KRABD5: variants seen among roughly 807,000 people sequenced by gnomAD.
KRABD5 encodes KRAB domain-containing protein 5.
the KRABD5 span, among the ~76,000 whole-genome samples, chr16:31,721,161 T>A: frequency 6.6e-6 from 1 of 152,208 alleles, no homozygotes; most frequent in Non-Finnish European, 1.5e-5. Flanking sequence ...TGTGTTAGTC[T>A]TCATAGTTTG....
chr16:31,745,013 CTTCTT>C, the KRABD5 span, among the ~76,000 whole-genome samples: 1 of 151,782 alleles, frequency 6.6e-6, no homozygotes, highest in South Asian at 2.1e-4. Flanking sequence ...ATTCTTTTCT[CTTCTT>C]TATTAGTCTA....
the KRABD5 span, among the ~76,000 whole-genome samples, chr16:31,716,229 C>G: frequency 6.6e-6 from 1 of 152,148 alleles, no homozygotes; most frequent in Non-Finnish European, 1.5e-5. Context: ...TGTGGACCAC[C>G]CAGTCATAGT....
At chr16:31,717,851 T>C in the KRABD5 span, among the ~76,000 whole-genome samples, 3 of 152,284 alleles carry the variant, frequency 2.0e-5, no homozygotes, top group African/African-American at 7.2e-5. Context: ...AAAGTGCCTA[T>C]TGCCCCGAAA....
At chr16:31,745,111 C>T in the KRABD5 span, among the ~76,000 whole-genome samples, 2 of 152,096 alleles carry the variant, frequency 1.3e-5, no homozygotes, top group Non-Finnish European at 2.9e-5. Flanking sequence ...TTTCATGTCT[C>T]TATCTCCTTC....
chr16:31,717,539 G>C, the KRABD5 span, among the ~76,000 whole-genome samples: 1 of 152,148 alleles, frequency 6.6e-6, no homozygotes, highest in Non-Finnish European at 1.5e-5. Flanking sequence ...GTGAATTTAG[G>C]ATGAACTCTT....
the KRABD5 span, chr16:31,722,836 C>A: frequency 7.1e-7 from 1 of 1,411,750 alleles, no homozygotes; most frequent in South Asian, 1.6e-5. Context: ...CACTTGGGAG[C>A]TTATGCTTTA....
the KRABD5 span, among the ~76,000 whole-genome samples, chr16:31,720,778 A>G: frequency 6.6e-6 from 1 of 152,050 alleles, no homozygotes; most frequent in South Asian, 2.1e-4. Flanking sequence ...AGGAGGGAGG[A>G]TTTACTGAGT....
At chr16:31,747,259 C>T in the KRABD5 span, among the ~76,000 whole-genome samples, 5 of 149,984 alleles carry the variant, frequency 3.3e-5, no homozygotes, top group Admixed American at 6.7e-5. Context: ...TTTGTCCTTG[C>T]GATAGTTTGC....
chr16:31,721,052 T>A, the KRABD5 span, among the ~76,000 whole-genome samples: 13 of 152,160 alleles, frequency 8.5e-5, no homozygotes, highest in African/African-American at 2.2e-4. Flanking sequence ...TCTACTGTCT[T>A]AAAATTCTAA....
chr16:31,748,849 T>G, the KRABD5 span, among the ~76,000 whole-genome samples: 1 of 152,198 alleles, frequency 6.6e-6, no homozygotes, highest in Non-Finnish European at 1.5e-5. Flanking sequence ...CAGGTCCCAC[T>G]CTGAACTCCG....
the KRABD5 span, chr16:31,713,545 G>T: frequency 1.4e-6 from 2 of 1,437,114 alleles, no homozygotes. Context: ...CCCCGCGGAC[G>T]CAACTCGGCC....
chr16:31,752,611 A>C, the KRABD5 span, among the ~76,000 whole-genome samples: 135 of 152,286 alleles, frequency 8.9e-4, no homozygotes, highest in African/African-American at 3.2e-3. Context: ...TGCTGGTTTC[A>C]TCCCAGCACT....
chr16:31,719,714 A>G, the KRABD5 span, among the ~76,000 whole-genome samples: 1 of 152,234 alleles, frequency 6.6e-6, no homozygotes, highest in African/African-American at 2.4e-5. Flanking sequence ...CTCCAGAGCT[A>G]GTGCTCACAA....
the KRABD5 span, among the ~76,000 whole-genome samples, chr16:31,715,247 A>G: frequency 1.3e-5 from 2 of 152,224 alleles, no homozygotes; most frequent in African/African-American, 4.8e-5. Context: ...CATCGAAGAT[A>G]AAACTCTTTA....
chr16:31,723,394 T>C, the KRABD5 span: 1 of 1,570,404 alleles, frequency 6.4e-7, no homozygotes, highest in South Asian at 1.2e-5. Flanking sequence ...GGGCGAGAGG[T>C]CCAGAGATTA....
At chr16:31,738,340 C>T in the KRABD5 span, among the ~76,000 whole-genome samples, 1 of 152,064 alleles carries the variant, frequency 6.6e-6, no homozygotes, top group Admixed American at 6.6e-5. Flanking sequence ...TGCTTCAATT[C>T]TGTAAAAGTT....
the KRABD5 span, chr16:31,713,274 G>A: frequency 1.0e-6 from 1 of 984,112 alleles, no homozygotes; most frequent in Non-Finnish European, 1.5e-6. Flanking sequence ...GTTGGCTGCA[G>A]TAAGAGCTCA....
At chr16:31,713,293 A>T in the KRABD5 span, 1 of 1,227,692 alleles carries the variant, frequency 8.1e-7, no homozygotes, top group Non-Finnish European at 1.2e-6. Flanking sequence ...CAGTCTCTTC[A>T]CCAGGGGCTC....
the KRABD5 span, among the ~76,000 whole-genome samples, chr16:31,726,033 G>A: frequency 6.6e-6 from 1 of 152,138 alleles, no homozygotes; most frequent in Admixed American, 6.5e-5. Flanking sequence ...CTTTTTTGGT[G>A]TGAAATCTAA....
Sources: allele counts gnomAD v4.1 joint callset (sites outside exome capture counted in the v4.1 genomes callset), GRCh38; gene constraint gnomAD v4.1.1; transcripts MANE v1.5; gene names NCBI Gene and HGNC (gene_info 2026-07-23, HGNC 2026-07-21).